FLNB: variants seen among roughly 807,000 people sequenced by gnomAD.
FLNB encodes filamin-B.
In FLNB, 111 loss-of-function variants were observed where a neutral mutation model predicts 250.6. That is an observed-to-expected ratio of 0.44 (90% CI 0.38 to 0.52). FLNB has a LOEUF of 0.52. Among genes scored for constraint, FLNB ranks in the 20% least tolerant of loss-of-function variants. FLNB has a pLI of 0.00. For missense variants in FLNB, 2,869 were observed against 3,447.8 expected (o/e 0.83, Z 4.20); for synonymous variants, 1,302 against 1,372.1 (o/e 0.95, Z 1.13).
In FLNB at chr3:58,169,608, C is replaced by A; in HGVS notation, c.7436C>A (p.Pro2479His). 6.2e-7 allele frequency: 1 copy of A among 1,614,152 alleles called. No individual in the cohort carries two copies. Among genetic ancestry groups the A allele is most frequent in the Non-Finnish European group, 8.5e-7 (1 of 1,179,986 alleles). Residue 2479 changes from proline to histidine, a missense_variant, in exon 45 of 46, where the codon CCT becomes CAT. By Grantham distance (77) the Pro-to-His change is moderately conservative. Coordinates refer to ENST00000295956, the MANE Select transcript of FLNB (RefSeq NM_001457.4). This position sits in a 1 kb window ranked among gnomAD's most constrained non-coding sequence, Gnocchi z 4.8. ...AKVTGQRLVS[P>H]GSANETSSIL... Reference sequence around the variant, plus strand: ...ATCTTAGGCCAGCGTCTAGTTAGCCCTGGCTCAGCCAACGAGACCTCATCC... The same window carrying A: ...ATCTTAGGCCAGCGTCTAGTTAGCCATGGCTCAGCCAACGAGACCTCATCC...
At chr3:58,092,780 A>G (rs1019710106) in intron 4 of FLNB, among the ~76,000 whole-genome samples, 17 of 152,328 alleles carry the variant, frequency 1.1e-4, no homozygotes, top group African/African-American at 3.8e-4. Flanking sequence ...TTCCTTCTAT[A>G]GTCTCACAGC....
At chr3:58,137,284 T>G (rs2097317775) in intron 28 of FLNB, among the ~76,000 whole-genome samples, 1 of 152,108 alleles carries the variant, frequency 6.6e-6, no homozygotes, top group Non-Finnish European at 1.5e-5. Context: ...ATGGAAAAAT[T>G]TTGGAATGCA....
rs758085966 is a variant in FLNB at position 58,155,977 on chromosome 3, A to G, written c.6790A>G (p.Ile2264Val). Residue 2264 changes from isoleucine to valine, a missense_variant, in exon 41 of 46, where the codon ATC becomes GTC. By Grantham distance (29) the Ile-to-Val change is conservative. This residue lies in a region of FLNB where 1,084 missense variants were observed against 1,315.5 expected (regional missense o/e 0.82). Coordinates refer to ENST00000295956, the MANE Select transcript of FLNB (RefSeq NM_001457.4). ...AQEPGNYEVS[I>V]KFNDEHIPES... ...CCTCATAGGTAACTACGAGGTGTCC[A>G]TCAAGTTCAATGATGAGCACATCCC... 5.6e-6 allele frequency: 9 copies of G among 1,613,676 alleles called. No homozygotes were observed. In the Admixed American group the frequency reaches 1.3e-4, roughly 24 times the overall value.
chr3:58,140,281 G>A (rs1425580100), intron 29 of FLNB, among the ~76,000 whole-genome samples: 2 of 152,222 alleles, frequency 1.3e-5, no homozygotes, highest in East Asian at 1.9e-4. Context: ...AGCACATGGA[G>A]TCATGGACAA....
intron 4 of FLNB, among the ~76,000 whole-genome samples, chr3:58,085,139 A>C (rs1470826978): frequency 6.6e-6 from 1 of 152,232 alleles, no homozygotes; most frequent in East Asian, 1.9e-4. Context: ...CTATGAAAAC[A>C]TGGGTGTACA....
intron 25 of FLNB, among the ~76,000 whole-genome samples, chr3:58,131,368 C>G (rs1052467576): frequency 2.6e-5 from 4 of 152,088 alleles, no homozygotes; most frequent in Admixed American, 2.6e-4. Flanking sequence ...TCTTAGTTCC[C>G]CAGAGAGAGA....
chr3:58,133,066 T>A, intron 26 of FLNB, 135 bp downstream of exon 26: 1 of 999,988 alleles, frequency 1.0e-6, no homozygotes, highest in Admixed American at 2.0e-5. Flanking sequence ...CATCAGTCCA[T>A]CCATCCACCC....
chr3:58,092,482 A>G (rs1044049641), intron 4 of FLNB, among the ~76,000 whole-genome samples: 4 of 152,108 alleles, frequency 2.6e-5, no homozygotes, highest in Admixed American at 2.0e-4. Flanking sequence ...CATCTCTACA[A>G]ATAATTTTTA....
chr3:58,144,028 T>TCG (rs1559726466), intron 32 of FLNB, among the ~76,000 whole-genome samples: 8 of 152,166 alleles, frequency 5.3e-5, no homozygotes, highest in African/African-American at 1.4e-4. Flanking sequence ...AGCAGCCCTC[T>TCG]ACAAGGGAAG....
intron 24 of FLNB, among the ~76,000 whole-genome samples, chr3:58,129,536 C>T (rs1163681674): frequency 2.0e-5 from 3 of 152,166 alleles, no homozygotes; most frequent in Non-Finnish European, 4.4e-5. Context: ...TTCCTCTCAC[C>T]CCAGTGTGGA....
chr3:58,096,368 C>A, intron 6 of FLNB, 150 bp downstream of exon 6: 2 of 700,330 alleles, frequency 2.9e-6, no homozygotes, highest in Non-Finnish European at 5.1e-6. Context: ...AAATTGGAAT[C>A]ACTAGGATTC....
chr3:58,148,350 C>A lies in FLNB; in HGVS notation c.5873C>A (p.Pro1958His), dbSNP rs778916792. 1.9e-6 allele frequency: 3 copies of A among 1,613,652 alleles called. No individual in the cohort carries two copies. Among genetic ancestry groups the A allele is most frequent in the African/African-American group, 1.3e-5 (1 of 75,008 alleles). ...GAGCCCTGTCTCCTGAAGAGGCTGC[C>A]CAACAACCACATTGGTGAGCTAGGC... ...RDEPCLLKRL[P>H]NNHIGISFIP... The change falls in exon 35 of 46, where the codon CCC becomes CAC. Residue 1958 changes from proline to histidine, a missense_variant. By Grantham distance (77) the Pro-to-His change is moderately conservative. Transcript: ENST00000295956.
At chr3:58,131,478 C>T (rs897356659) in intron 25 of FLNB, among the ~76,000 whole-genome samples, 21 of 152,170 alleles carry the variant, frequency 1.4e-4, no homozygotes, top group Non-Finnish European at 2.9e-4. Flanking sequence ...AGGGACAAAG[C>T]CCTGAAGTGC....
intron 33 of FLNB, 25 bp downstream of exon 33, chr3:58,146,074 A>C (rs914065165): frequency 6.2e-7 from 1 of 1,613,852 alleles, no homozygotes; most frequent in Admixed American, 1.7e-5. Context: ...ACGTGTTTAT[A>C]CGCCTCCAGC....
intron 24 of FLNB, among the ~76,000 whole-genome samples, chr3:58,127,603 A>T (rs1232605359): frequency 6.6e-6 from 1 of 152,106 alleles, no homozygotes; most frequent in Non-Finnish European, 1.5e-5. Context: ...CCTGCCCTGT[A>T]CCTGCTAGAT....
chr3:58,142,076 T>A lies in FLNB; in HGVS notation c.5181+147T>A. On this transcript the variant is annotated intron_variant, in intron 30 of 45. Transcript: ENST00000295956. The surrounding 1 kb of genome is among the most constrained non-coding windows in gnomAD (Gnocchi z 4.3). ...CTCACTGATCAGCCCATCACGATGA[T>A]CCCTGCTTTTTCTGTAATAAGATCA... 1 of 737,680 alleles carries A rather than the reference T, an allele frequency of 1.4e-6. No homozygotes were observed. The highest frequency in any genetic ancestry group is 2.5e-6 in the Non-Finnish European group (1 of 405,820). The allele number at this position is 737,680 out of a possible 1,614,324, so 45.7% of individuals were successfully genotyped here. A position where few individuals can be genotyped will look rare whatever the true frequency, so the allele number is the denominator to read the frequency against.
At chr3:58,017,687 G>T (rs2097107761) in intron 1 of FLNB, among the ~76,000 whole-genome samples, 1 of 152,174 alleles carries the variant, frequency 6.6e-6, no homozygotes, top group Admixed American at 6.5e-5. Flanking sequence ...GATGGTTGTT[G>T]TAACTCTTCT....
rs2097351044 is a variant in FLNB, at chr3:58,154,942, G to T, written c.6772+14G>T. The T allele has an allele frequency of 2.5e-6, 4 of 1,612,116 alleles. No individual in the cohort carries two copies. The highest frequency in any genetic ancestry group is 3.4e-6 in the Non-Finnish European group (4 of 1,178,348). On this transcript the variant is annotated intron_variant, in intron 40 of 45. Transcript: ENST00000295956. Reference sequence around the variant, plus strand: ...CCCAAGAGCCTGGTATGTATTCAGGGTTCACAAGAGGACATTTTCCTTGTT... The same window carrying T: ...CCCAAGAGCCTGGTATGTATTCAGGTTTCACAAGAGGACATTTTCCTTGTT...
At chr3:58,040,214 C>A (rs548804846) in intron 1 of FLNB, among the ~76,000 whole-genome samples, 4 of 152,124 alleles carry the variant, frequency 2.6e-5, no homozygotes, top group Non-Finnish European at 5.9e-5. Context: ...GGTTCTCTTG[C>A]GGGATTAGTG....
Sources: gnomAD v4.1 joint callset for allele counts (sites outside exome capture counted in the v4.1 genomes callset) on GRCh38, gnomAD v4.1.1 for gene constraint, gnomAD v4.1.1 regional missense constraint, Gnocchi (gnomAD v3.1) non-coding constraint, MANE v1.5 for transcripts, NCBI Gene and HGNC (gene_info 2026-07-23, HGNC 2026-07-21) for gene names.